FUBP1: variants seen among roughly 807,000 people sequenced by gnomAD.
FUBP1 encodes the protein far upstream element-binding protein 1.
A neutral mutation model predicts 94.9 loss-of-function variants in FUBP1; 16 were observed. The observed-to-expected ratio is 0.17, with a 90% CI of 0.11 to 0.26. The LOEUF (loss-of-function observed/expected upper bound fraction) is 0.26, where lower values mean the gene tolerates loss of function less well. Among genes scored for constraint, FUBP1 ranks in the 10% least tolerant of loss-of-function variants. The pLI, the probability that FUBP1 is intolerant of heterozygous loss-of-function variation, is 1.00. For missense variants in FUBP1, 583 were observed against 808.6 expected (o/e 0.72, Z 3.38); for synonymous variants, 279 against 254.9 (o/e 1.09, Z -0.90).
intron 7 of FUBP1, 31 bp from the exon 8 acceptor site, chr1:77,965,262 C>G (rs1656262854): frequency 1.4e-6 from 2 of 1,448,660 alleles, no homozygotes; most frequent in Non-Finnish European, 1.9e-6. Context: ...AAATAGTAAG[C>G]TGTAGCATAC....
chr1:77,967,263 G>A (rs1536160), intron 4 of FUBP1, among the ~76,000 whole-genome samples, 162 bp from the exon 5 acceptor site: 16,111 of 152,186 alleles, frequency 0.11, 994 homozygotes, highest in Admixed American at 0.19. Context: ...TATTACTTGA[G>A]TAGTTAAATT....
intron 17 of FUBP1, 79 bp from the exon 18 acceptor site, chr1:77,955,408 G>A (rs1005645299): frequency 2.6e-6 from 2 of 770,444 alleles, no homozygotes; most frequent in South Asian, 1.5e-5. Flanking sequence ...GGGTGCAGGA[G>A]CTGGCAGGGG....
chr1:77,968,690 C>T lies in FUBP1; in HGVS notation c.212-487G>A, dbSNP rs189160619. 2.9e-3 allele frequency among the ~76,000 whole-genome samples: 436 copies of T among 151,068 alleles called. 3 individuals carry two copies. The highest frequency in any genetic ancestry group is 4.3e-3 in the Non-Finnish European group (288 of 67,760). On this transcript the variant is annotated intron_variant, in intron 2 of 19. Coordinates refer to ENST00000370768, the MANE Select transcript of FUBP1 (RefSeq NM_003902.5). Reference sequence around the variant, plus strand: ...CCCCCACAACATTACAAGGCAATCTCAACCTAAACTGTTCTATTATTTATA... The same window carrying T: ...CCCCCACAACATTACAAGGCAATCTTAACCTAAACTGTTCTATTATTTATA...
chr1:77,950,528 T>C (rs959611160), intron 18 of FUBP1, among the ~76,000 whole-genome samples: 2 of 152,090 alleles, frequency 1.3e-5, no homozygotes, highest in Non-Finnish European at 2.9e-5. Context: ...ACAAAAAACA[T>C]ACATATAAAG....
upstream of FUBP1, chr1:77,979,140 G>A (rs888725650): frequency 1.3e-5 from 11 of 871,252 alleles, no homozygotes; most frequent in Non-Finnish European, 1.9e-5. Context: ...GGCGGAGACT[G>A]AAGGAACAAA....
At chr1:77,967,806 C>T (rs1656789253) in intron 3 of FUBP1, 140 bp from the exon 4 acceptor site, 2 of 579,564 alleles carry the variant, frequency 3.5e-6, no homozygotes, top group Non-Finnish European at 6.0e-6. Flanking sequence ...AAATTTTTTA[C>T]ACAATATTTA....
At chr1:77,964,408 G>T in intron 10 of FUBP1, 52 bp from the exon 11 acceptor site, 1 of 1,110,262 alleles carries the variant, frequency 9.0e-7, no homozygotes, top group Non-Finnish European at 1.3e-6. Context: ...AGGGTTTAAA[G>T]TAAAAAAAAG....
intron 16 of FUBP1, among the ~76,000 whole-genome samples, chr1:77,957,369 A>G (rs541683560): frequency 3.3e-5 from 5 of 152,202 alleles, no homozygotes; most frequent in Admixed American, 1.3e-4. Flanking sequence ...CTTTGGTTGT[A>G]TCTCTTCAAC....
At chr1:77,977,556 C>A (rs887769385) in intron 1 of FUBP1, among the ~76,000 whole-genome samples, 1 of 152,086 alleles carries the variant, frequency 6.6e-6, no homozygotes, top group African/African-American at 2.4e-5. Flanking sequence ...CCAGTATCTA[C>A]CTACAGTGTG....
chr1:77,965,164 C>G lies in FUBP1; in HGVS notation c.541G>C (p.Asp181His). Residue 181 changes from aspartate to histidine, a missense_variant, in exon 8 of 20, where the codon GAT becomes CAT. Asp to His is a moderately conservative substitution (Grantham distance 81). Transcript: ENST00000370768. ...GRPAPGFHHG[D>H]GPGNAVQEIM... ...TCTTGAACTGCATTTCCCGGTCCAT[C>G]GCCATGATGGAAGCCAGGAGCTGGT... 6.2e-7 allele frequency: 1 copy of G among 1,612,290 alleles called. No individual in the cohort carries two copies. The highest frequency in any genetic ancestry group is 8.5e-7 in the Non-Finnish European group (1 of 1,178,450).
chr1:77,958,740 T>C (rs1654928431), intron 16 of FUBP1, among the ~76,000 whole-genome samples: 1 of 152,208 alleles, frequency 6.6e-6, no homozygotes, highest in African/African-American at 2.4e-5. Context: ...TCCTCAATCA[T>C]GCTAACCACC....
In FUBP1 at chr1:77,969,960, C is replaced by A. The variant is rs1336846208; in HGVS notation, c.176G>T (p.Gly59Val). ...TAAAGGTCTTTTTTGTCCCCCATAA[C>A]CATAGTCATTTGAATTCAGTGATGT... ...AGTSLNSNDY[G>V]YGGQKRPLED... The change falls in exon 2 of 20, where the codon GGT (glycine) becomes GTT (valine). Residue 59 changes from glycine (G) to valine (V), a missense_variant. Physicochemically the swap from Gly to Val is moderately radical, Grantham distance 109 (BLOSUM62 -3). Transcript: ENST00000370768. The A allele has an allele frequency of 6.3e-7, 1 of 1,588,230 alleles. No homozygotes were observed. The highest frequency in any genetic ancestry group is 8.6e-7 in the Non-Finnish European group (1 of 1,160,530).
At chr1:77,956,749 TCTCACACA>T in intron 16 of FUBP1, 49 bp from the exon 17 acceptor site, 1 of 1,484,972 alleles carries the variant, frequency 6.7e-7, no homozygotes, top group Non-Finnish European at 9.3e-7. Flanking sequence ...TGTAATTCTC[TCTCACACA>T]CACACACACC....
intron 4 of FUBP1, 21 bp from the exon 5 acceptor site, chr1:77,967,122 C>T (rs1656653281): frequency 6.8e-7 from 1 of 1,465,670 alleles, no homozygotes; most frequent in South Asian, 1.2e-5. Flanking sequence ...ACAGAAAGCA[C>T]CATTTTCCTT....
Position 77,956,751 on chromosome 1 carries a change from T to TCTCA in FUBP1, c.1577-52_1577-51insTGAG, listed in dbSNP as rs1553119819. The stretch of plus-strand genomic sequence containing the variant: ...TGCATGTGAAGTCTGTAATTCTCTC[T>TCTCA]CACACACACACACACCACCCCCCCG... On this transcript the variant is annotated intron_variant, in intron 16 of 19. Transcript: ENST00000370768. 6 of 1,382,362 alleles carry TCTCA rather than the reference T, an allele frequency of 4.3e-6. No individual in the cohort carries two copies. The African/African-American group carries it at 8.6e-5, about 20-fold the overall frequency. 85.6% of individuals were successfully genotyped at this position (1,382,362 alleles called of 1,614,324 possible). A position where few individuals can be genotyped will look rare whatever the true frequency, so the allele number is the denominator to read the frequency against.
chr1:77,964,230 T>TA (rs1656059325), intron 11 of FUBP1, 24 bp downstream of exon 11: 1 of 1,554,524 alleles, frequency 6.4e-7, no homozygotes, highest in Non-Finnish European at 8.9e-7. Context: ...TGCCAACACT[T>TA]ACAAGATTAT....
At chr1:77,966,847 T>C (rs1656598275) in intron 6 of FUBP1, 37 bp downstream of exon 6, 1 of 1,365,150 alleles carries the variant, frequency 7.3e-7, no homozygotes. Flanking sequence ...GCTAGTTTTC[T>C]AGTCACACTG....
intron 18 of FUBP1, among the ~76,000 whole-genome samples, chr1:77,953,182 G>A (rs1653829188): frequency 6.6e-6 from 1 of 150,636 alleles, no homozygotes; most frequent in African/African-American, 2.4e-5. Context: ...CAACTAATCT[G>A]TTTTGCTCAT....
chr1:77,969,111 T>G (rs1363984372), intron 2 of FUBP1: 1 of 969,194 alleles, frequency 1.0e-6, no homozygotes, highest in Non-Finnish European at 1.5e-6. Flanking sequence ...AAGAATACAT[T>G]ACATACAACA....
Sources: allele counts gnomAD v4.1 joint callset (sites outside exome capture counted in the v4.1 genomes callset), GRCh38; gene constraint gnomAD v4.1.1; transcripts MANE v1.5; gene names NCBI Gene and HGNC (gene_info 2026-07-23, HGNC 2026-07-21).